The following TBC1D21 variants were observed in gnomAD, a reference collection of about 807,000 sequenced individuals.
The protein encoded by TBC1D21 is TBC1 domain family member 21.
TBC1D21 carries 38 observed loss-of-function variants against 46.0 expected under a neutral mutation model. The observed-to-expected ratio is 0.83, with a 90% CI of 0.64 to 1.08. TBC1D21 has a LOEUF of 1.08. Ranked by LOEUF, TBC1D21 falls within the 50% of genes least tolerant of loss-of-function variation. The probability of loss-of-function intolerance (pLI) is 0.00; values close to 1 mark genes in which losing one functional copy is unlikely to be tolerated. For missense variants in TBC1D21, 415 were observed against 417.9 expected (o/e 0.99, Z 0.06); for synonymous variants, 151 against 157.2 (o/e 0.96, Z 0.29).
Position 73,886,852 on chromosome 15 carries a change from G to A in TBC1D21, c.777+240G>A, listed in dbSNP as rs1189953017. On this transcript the variant is annotated intron_variant, in intron 8 of 10. Transcript: ENST00000300504. ...GTGCCTTCTGCTAGCAGTTGACACA[G>A]GAGGGCCCTATGGCCTGTGCAGTGG... is the stretch of plus-strand genomic sequence containing the variant. Among the ~76,000 whole-genome samples the A allele has an allele frequency of 2.0e-5, 3 of 152,230 alleles. No individual in the cohort carries two copies. The East Asian group carries it at 5.8e-4, about 29-fold the overall frequency.
chr15:73,886,674 C>A, intron 8 of TBC1D21, 62 bp downstream of exon 8: 1 of 1,502,082 alleles, frequency 6.7e-7, no homozygotes. Context: ...GTGGAAGCTG[C>A]AAGTCTTCCT....
At chr15:73,898,460 G>A in the TBC1D21 span, among the ~76,000 whole-genome samples, 2 of 152,190 alleles carry the variant, frequency 1.3e-5, no homozygotes, top group Non-Finnish European at 2.9e-5. Flanking sequence ...CAGAATGTGA[G>A]TGAACCACAA....
At chr15:73,886,294 T>C in intron 7 of TBC1D21, 120 bp downstream of exon 7, 1 of 967,746 alleles carries the variant, frequency 1.0e-6, no homozygotes, top group Non-Finnish European at 1.6e-6. Context: ...ATTTGATTGC[T>C]TCTCCAGGCC....
At chr15:73,880,767 T>C (rs2068140143) in intron 1 of TBC1D21, among the ~76,000 whole-genome samples, 3 of 152,190 alleles carry the variant, frequency 2.0e-5, no homozygotes, top group Admixed American at 2.0e-4. Context: ...AGACTCCGTC[T>C]CGAAAAATAA....
At chr15:73,884,314 C>G in intron 4 of TBC1D21, 69 bp downstream of exon 4, 9 of 1,399,552 alleles carry the variant, frequency 6.4e-6, no homozygotes, top group Non-Finnish European at 9.1e-6. Flanking sequence ...CCCTTCTCAG[C>G]CACTTCCAGG....
At chr15:73,904,187 G>A in the TBC1D21 span, among the ~76,000 whole-genome samples, 1 of 152,278 alleles carries the variant, frequency 6.6e-6, no homozygotes, top group African/African-American at 2.4e-5. Context: ...CCATCCTAAG[G>A]TGAGCACTTC....
intron 1 of TBC1D21, among the ~76,000 whole-genome samples, chr15:73,874,667 G>T (rs1280055787): frequency 6.6e-6 from 1 of 152,164 alleles, no homozygotes; most frequent in Non-Finnish European, 1.5e-5. Flanking sequence ...CAAACCTGCA[G>T]CATTAGCACC....
the TBC1D21 span, among the ~76,000 whole-genome samples, chr15:73,896,075 T>C: frequency 6.6e-6 from 1 of 151,944 alleles, no homozygotes; most frequent in Non-Finnish European, 1.5e-5. Context: ...CTGGTAATGA[T>C]AGTGACATGA....
At position 73,889,074 on chromosome 15, in the gene TBC1D21, T is replaced by A. The variant is rs1439391702; in HGVS notation, c.984T>A (p.Pro328=). Residue 328 remains proline (P), a synonymous_variant, in exon 11 of 11, where the codon CCT becomes CCA. Transcript: ENST00000300504. ...VYAELIQKDV[P]QTLKDFFL is the part of the protein sequence containing the mutation. ...CCCACCTGCCTCCTCCCTAGGTTCC[T>A]CAGACATTAAAGGATTTCTTCCTCT... The A allele has an allele frequency of 6.2e-7, 1 of 1,613,530 alleles. No homozygotes were observed.
downstream of TBC1D21, among the ~76,000 whole-genome samples, chr15:73,889,536 C>T (rs1424931143): frequency 2.6e-5 from 4 of 152,252 alleles, no homozygotes; most frequent in Admixed American, 2.6e-4. Flanking sequence ...GAAGGCTGGT[C>T]CTGGGGCTCT....
At chr15:73,889,345 C>G (rs1230807387), downstream of TBC1D21, 1 of 508,014 alleles carries the variant, frequency 2.0e-6, no homozygotes, top group African/African-American at 1.9e-5. Context: ...AGGGTGCTTG[C>G]TGGAAGAGAC....
At chr15:73,886,430 C>T in intron 7 of TBC1D21, 82 bp from the exon 8 acceptor site, 1 of 1,258,590 alleles carries the variant, frequency 7.9e-7, no homozygotes, top group East Asian at 2.3e-5. Flanking sequence ...TTTGCAGGCT[C>T]TGTAGTTTGG....
intron 2 of TBC1D21, 66 bp from the exon 3 acceptor site, chr15:73,881,578 T>G (rs1486103489): frequency 1.9e-6 from 3 of 1,602,346 alleles, no homozygotes; most frequent in Non-Finnish European, 2.6e-6. Context: ...AGGTGTGGCG[T>G]TGGATGAAGC....
At chr15:73,889,723 G>T (rs889285173), downstream of TBC1D21, among the ~76,000 whole-genome samples, 4 of 152,202 alleles carry the variant, frequency 2.6e-5, no homozygotes, top group African/African-American at 9.7e-5. Flanking sequence ...TCATTTATCA[G>T]CCTGCAAATG....
chr15:73,889,216 G>T (rs554652341), downstream of TBC1D21: 35 of 1,241,542 alleles, frequency 2.8e-5, no homozygotes, highest in East Asian at 6.6e-4. Flanking sequence ...CTGGAATAAT[G>T]GTTTGTGGTG....
At chr15:73,880,105 C>T (rs751144216) in intron 1 of TBC1D21, among the ~76,000 whole-genome samples, 1 of 152,034 alleles carries the variant, frequency 6.6e-6, no homozygotes, top group Non-Finnish European at 1.5e-5. Context: ...CCATGTTGCC[C>T]CAGGCTGGTC....
At chr15:73,874,256 A>G (rs1441574367) in intron 1 of TBC1D21, among the ~76,000 whole-genome samples, 3 of 152,246 alleles carry the variant, frequency 2.0e-5, no homozygotes, top group Non-Finnish European at 4.4e-5. Context: ...AGTCTCATTA[A>G]TCATAGTGAT....
At chr15:73,881,263 C>T in intron 1 of TBC1D21, 136 bp from the exon 2 acceptor site, 2 of 630,812 alleles carry the variant, frequency 3.2e-6, no homozygotes, top group Non-Finnish European at 2.8e-6. Flanking sequence ...CAGTAATGTC[C>T]TCAAGATAGA....
At chr15:73,888,865 GTCT>G (rs1250999195) in intron 10 of TBC1D21, among the ~76,000 whole-genome samples, 1 of 152,140 alleles carries the variant, frequency 6.6e-6, no homozygotes, top group African/African-American at 2.4e-5. Flanking sequence ...GCTCCTCATG[GTCT>G]TCTCGTTGTT....
Sources: allele counts gnomAD v4.1 joint callset (sites outside exome capture counted in the v4.1 genomes callset), GRCh38; gene constraint gnomAD v4.1.1; transcripts MANE v1.5; gene names NCBI Gene and HGNC (gene_info 2026-07-23, HGNC 2026-07-21).